Variants in GAD1 observed in about 807,000 individuals in gnomAD.
The protein encoded by GAD1 is 67 kDa glutamic acid decarboxylase.
Under a neutral mutation model 75.2 loss-of-function variants are expected in GAD1, and 35 were observed. That is an observed-to-expected ratio of 0.47 (90% CI 0.36 to 0.62). The LOEUF (loss-of-function observed/expected upper bound fraction) is 0.62, where lower values mean the gene tolerates loss of function less well. Among genes scored for constraint, GAD1 ranks in the 20% least tolerant of loss-of-function variants. The pLI, the probability that GAD1 is intolerant of heterozygous loss-of-function variation, is 0.00. For missense variants in GAD1, 490 were observed against 758.5 expected, an observed-to-expected ratio of 0.65 and a Z score of 4.16; for synonymous variants, 257 against 271.9, an observed-to-expected ratio of 0.95 and a Z score of 0.54.
chr2:170,851,534 T>C (rs1383420928), intron 12 of GAD1, among the ~76,000 whole-genome samples: 2 of 152,142 alleles, frequency 1.3e-5, no homozygotes, highest in Non-Finnish European at 2.9e-5. Flanking sequence ...GTCCTTTAAC[T>C]AAAGGACCTA....
rs1374670478 is a variant in GAD1, at chr2:170,818,614, C to T, written c.23C>T (p.Ser8Leu). 6.2e-7 allele frequency: 1 copy of T among 1,614,152 alleles called. No homozygotes were observed. The highest frequency in any genetic ancestry group is 2.2e-5 in the East Asian group (1 of 44,872). The part of the protein sequence containing the change: MASSTPS[S>L]SATSSNAGAD... ...CTGATGGCGTCTTCGACCCCATCTT[C>T]GTCCGCAACCTCCTCGAACGCGGGA... is the stretch of plus-strand genomic sequence containing the variant. Residue 8 changes from serine to leucine, a missense_variant, in exon 2 of 17, where the codon TCG becomes TTG. This residue lies in a region of GAD1 where 165 missense variants were observed against 216.4 expected (regional missense o/e 0.76). Transcript: ENST00000358196. The surrounding 1 kb of genome is among the most constrained non-coding windows in gnomAD (Gnocchi z 5.9).
At position 170,853,615 on chromosome 2, in the gene GAD1, T is replaced by G. The variant is rs927532624; in HGVS notation, c.1264-258T>G. 3 of 456,454 alleles carry G rather than the reference T, an allele frequency of 6.6e-6. No homozygotes were observed. Among genetic ancestry groups the G allele is most frequent in the South Asian group, 6.3e-5 (3 of 47,426 alleles). The allele number at this position is 456,454 out of a possible 1,614,324, so 28.3% of individuals were successfully genotyped here. On this transcript the variant is annotated intron_variant, in intron 13 of 16. Coordinates refer to ENST00000358196, the MANE Select transcript of GAD1 (RefSeq NM_000817.3). The surrounding 1 kb of genome is among the most constrained non-coding windows in gnomAD (Gnocchi z 4.1). ...ATCTTGAAACAATCCCAGACACCCA[T>G]ACACATTTCCCCTTAGAGGGATGGC... is the stretch of plus-strand genomic sequence containing the variant.
At chr2:170,828,434 C>T in intron 3 of GAD1, among the ~76,000 whole-genome samples, 1 of 146,560 alleles carries the variant, frequency 6.8e-6, no homozygotes, top group South Asian at 2.3e-4. Flanking sequence ...CCTCACCCCT[C>T]CTCTTCCCTC....
At position 170,859,834 on chromosome 2, in the gene GAD1, C is replaced by T. The variant is rs1702923508; in HGVS notation, c.1737C>T (p.Asp579=). 3.1e-6 allele frequency: 5 copies of T among 1,614,162 alleles called. No individual in the cohort carries two copies. Among genetic ancestry groups the T allele is most frequent in the Non-Finnish European group, 4.2e-6 (5 of 1,180,030 alleles). Residue 579 remains aspartate (D), a synonymous_variant, in exon 17 of 17, where the codon GAC becomes GAT. Transcript: ENST00000358196. ...VISNPAATQS[D]IDFLIEEIER... ...CCAACCCAGCCGCTACCCAGTCTGA[C>T]ATTGACTTCCTCATTGAGGAGATAG...
In GAD1 at chr2:170,834,102, C is replaced by T. The variant is rs900032156; in HGVS notation, c.548-2691C>T. Among the ~76,000 whole-genome samples the T allele has an allele frequency of 1.4e-4, 22 of 152,016 alleles. 1 individual carries two copies. The highest frequency in any genetic ancestry group is 2.1e-4 in the Non-Finnish European group (14 of 68,014). On this transcript the variant is annotated intron_variant, in intron 5 of 16. Transcript: ENST00000358196. ...AGCCTGCAAACATTCATTTTTGTTC[C>T]TCAGAGTTGCTTCTTGGGGCAGATA... is the stretch of plus-strand genomic sequence containing the variant.
At chr2:170,847,600 ATTC>A (rs746502763) in intron 10 of GAD1, 73 bp from the exon 11 acceptor site, 34 of 982,232 alleles carry the variant, frequency 3.5e-5, no homozygotes, top group Admixed American at 5.1e-5. Context: ...ATGTTACACA[ATTC>A]TTCTTCCTGT....
At chr2:170,832,571 A>T (rs2105781212) in intron 5 of GAD1, among the ~76,000 whole-genome samples, 1 of 152,300 alleles carries the variant, frequency 6.6e-6, no homozygotes, top group Middle Eastern at 3.4e-3. Context: ...TTTGAGGAAC[A>T]CAATTCAACC....
chr2:170,854,051 G>A (rs1442748017), intron 14 of GAD1, 29 bp downstream of exon 14: 10 of 1,613,890 alleles, frequency 6.2e-6, no homozygotes, highest in Non-Finnish European at 7.6e-6. Flanking sequence ...AGGAAATAGA[G>A]CAGAAATGTA....
chr2:170,847,647 C>T, intron 10 of GAD1, 29 bp from the exon 11 acceptor site: 1 of 1,378,530 alleles, frequency 7.3e-7, no homozygotes, highest in Non-Finnish European at 1.0e-6. Flanking sequence ...TAAAAATACT[C>T]ATCAGCCTAT....
chr2:170,839,702 A>T (rs892034925), intron 6 of GAD1, among the ~76,000 whole-genome samples: 1 of 152,100 alleles, frequency 6.6e-6, no homozygotes, highest in Admixed American at 6.5e-5. Flanking sequence ...GCAACGACCC[A>T]GTGAAGATCC....
intron 5 of GAD1, among the ~76,000 whole-genome samples, chr2:170,834,099 T>C (rs990050093): frequency 6.6e-6 from 1 of 152,166 alleles, no homozygotes; most frequent in African/African-American, 2.4e-5. Flanking sequence ...TTCATTTTTG[T>C]TCCTCAGAGT....
chr2:170,849,188 A>T, intron 11 of GAD1, 98 bp from the exon 12 acceptor site: 1 of 1,024,868 alleles, frequency 9.8e-7, no homozygotes, highest in Non-Finnish European at 1.5e-6. Flanking sequence ...TTCACCTTGT[A>T]CTTTCTTGCT....
intron 3 of GAD1, among the ~76,000 whole-genome samples, chr2:170,826,176 G>A (rs532828314): frequency 6.6e-6 from 1 of 152,310 alleles, no homozygotes; most frequent in African/African-American, 2.4e-5. Context: ...TGCAGTGTAA[G>A]TGTGCTATTC....
intron 5 of GAD1, among the ~76,000 whole-genome samples, 164 bp downstream of exon 5, chr2:170,831,356 TTGG>T (rs1239639493): frequency 6.6e-6 from 1 of 152,118 alleles, no homozygotes; most frequent in Non-Finnish European, 1.5e-5. Flanking sequence ...GCAGTAACAG[TTGG>T]TGGAGGGACC....
At chr2:170,831,762 T>C (rs1040562590) in intron 5 of GAD1, among the ~76,000 whole-genome samples, 8 of 138,802 alleles carry the variant, frequency 5.8e-5, no homozygotes, top group African/African-American at 2.0e-4. Flanking sequence ...AATATATAAA[T>C]ATTTATATAT....
intron 3 of GAD1, among the ~76,000 whole-genome samples, chr2:170,824,321 G>C (rs961777399): frequency 1.3e-5 from 2 of 151,904 alleles, no homozygotes; most frequent in Non-Finnish European, 2.9e-5. Flanking sequence ...TTTTAATCTA[G>C]TGGAGGCAGA....
rs1014238293 is a variant in GAD1 at position 170,860,712 on chromosome 2, A to G, written c.*830A>G. ...TGGTATTTTCGTGCATTTGTGAGCC[A>G]AAGAGAAAAGATTAAAATTAGTGAG... is the stretch of plus-strand genomic sequence containing the variant. On this transcript the variant is annotated 3_prime_UTR_variant, in exon 17 of 17. Coordinates refer to ENST00000358196, the MANE Select transcript of GAD1 (RefSeq NM_000817.3). 6.6e-6 allele frequency: 1 copy of G among 152,664 alleles called. No individual in the cohort carries two copies. The highest frequency in any genetic ancestry group is 2.4e-5 in the African/African-American group (1 of 41,458). The allele number at this position is 152,664 out of a possible 1,614,324, so 9.5% of individuals were successfully genotyped here.
intron 3 of GAD1, among the ~76,000 whole-genome samples, chr2:170,826,292 C>T (rs1284992149): frequency 4.6e-5 from 7 of 152,052 alleles, no homozygotes; most frequent in Non-Finnish European, 4.4e-5. Flanking sequence ...TAGGGCCGGG[C>T]GCAGTGGCTC....
In GAD1 at chr2:170,842,310, G is replaced by A. The variant is rs143107778; in HGVS notation, c.639-1735G>A. Among the ~76,000 whole-genome samples, 24 of 152,202 alleles carry A rather than the reference G, an allele frequency of 1.6e-4. 1 individual carries two copies. In the East Asian group the frequency reaches 4.2e-3, roughly 27 times the overall value. ...GTCTTTGATATGGTTCTGATATTAC[G>A]GTATGTGATTTCATTTGTTCCTTGC... On this transcript the variant is annotated intron_variant, in intron 6 of 16. Coordinates refer to ENST00000358196, the MANE Select transcript of GAD1 (RefSeq NM_000817.3).
Sources: gnomAD v4.1 joint callset for allele counts (sites outside exome capture counted in the v4.1 genomes callset) on GRCh38, gnomAD v4.1.1 for gene constraint, gnomAD v4.1.1 regional missense constraint, Gnocchi (gnomAD v3.1) non-coding constraint, MANE v1.5 for transcripts, NCBI Gene and HGNC (gene_info 2026-07-23, HGNC 2026-07-21) for gene names.